GAS7: variants seen among roughly 807,000 people sequenced by gnomAD.
The protein encoded by GAS7 is growth arrest-specific protein 7.
In GAS7, 28 loss-of-function variants were observed where a neutral mutation model predicts 71.1. That is an observed-to-expected ratio of 0.39 (90% CI 0.29 to 0.54). The LOEUF is 0.54. Ranked by LOEUF, GAS7 falls within the 20% of genes least tolerant of loss-of-function variation. The pLI, the probability that GAS7 is intolerant of heterozygous loss-of-function variation, is 0.62. For missense variants in GAS7, 436 were observed against 627.8 expected (o/e 0.69, Z 3.27); for synonymous variants, 258 against 245.8 (o/e 1.05, Z -0.46).
Position 9,969,008 on chromosome 17 carries a change from A to T in GAS7, c.471+669T>A, listed in dbSNP as rs931695792. On this transcript the variant is annotated intron_variant, in intron 4 of 13. Transcript: ENST00000432992. This position sits in a 1 kb window ranked among gnomAD's most constrained non-coding sequence, Gnocchi z 5.5. Reference sequence around the variant, plus strand: ...TCCTCAGTTTTTTAGGCACAGCTTCACGCAACTAGAAAAGCCGTAAGCACT... The same window carrying T: ...TCCTCAGTTTTTTAGGCACAGCTTCTCGCAACTAGAAAAGCCGTAAGCACT... Among the ~76,000 whole-genome samples the T allele has an allele frequency of 6.6e-6, 1 of 152,224 alleles. No individual in the cohort carries two copies. The highest frequency in any genetic ancestry group is 2.1e-4 in the South Asian group (1 of 4,832).
intron 3 of GAS7, among the ~76,000 whole-genome samples, chr17:9,978,211 C>T (rs752811087): frequency 6.6e-6 from 1 of 151,882 alleles, no homozygotes; most frequent in African/African-American, 2.4e-5. Context: ...AAGACCCCAC[C>T]TCAAACAAAC....
At chr17:10,094,932 C>A (rs1381089372) in intron 1 of GAS7, among the ~76,000 whole-genome samples, 3 of 152,214 alleles carry the variant, frequency 2.0e-5, no homozygotes, top group African/African-American at 7.2e-5. Context: ...ACTCTCCCTT[C>A]ATTTCCATTT....
At chr17:10,118,082 G>C (rs1336515690) in intron 1 of GAS7, among the ~76,000 whole-genome samples, 1 of 152,106 alleles carries the variant, frequency 6.6e-6, no homozygotes, top group Non-Finnish European at 1.5e-5. Context: ...TTCCCCGAGG[G>C]TAACAGGCAG....
At chr17:10,097,363 A>G (rs2073651456) in intron 1 of GAS7, among the ~76,000 whole-genome samples, 1 of 152,216 alleles carries the variant, frequency 6.6e-6, no homozygotes. Flanking sequence ...AGCAGAAGAG[A>G]GACTCCCCGG....
At chr17:9,921,837 T>C (rs2067823260) in intron 11 of GAS7, among the ~76,000 whole-genome samples, 2 of 151,578 alleles carry the variant, frequency 1.3e-5, no homozygotes, top group African/African-American at 4.9e-5. Context: ...CAGGCGCCTG[T>C]AGTCCCAGCT....
chr17:10,182,930 C>T (rs1452907035), intron 1 of GAS7, among the ~76,000 whole-genome samples: 3 of 152,162 alleles, frequency 2.0e-5, no homozygotes, highest in Admixed American at 2.0e-4. Flanking sequence ...TAGCCTTTTC[C>T]TCATTACAAA....
rs2072200168 is a variant in GAS7, at chr17:10,019,976, G to T, written c.184-79C>A. 5.9e-6 allele frequency: 8 copies of T among 1,362,234 alleles called. No individual in the cohort carries two copies. In the East Asian group the frequency reaches 1.6e-4, roughly 27 times the overall value. The allele number at this position is 1,362,234 out of a possible 1,614,324, so 84.4% of individuals were successfully genotyped here. A position where few individuals can be genotyped will look rare whatever the true frequency, so the allele number is the denominator to read the frequency against. The stretch of plus-strand genomic sequence containing the variant: ...TTAAACCAGGAAGGCAAAGGCTGAT[G>T]AATTCACCCTACAGTAGCGTGACAT... On this transcript the variant is annotated intron_variant, in intron 1 of 13. Coordinates refer to ENST00000432992, the MANE Select transcript of GAS7 (RefSeq NM_201433.2).
intron 5 of GAS7, among the ~76,000 whole-genome samples, chr17:9,954,480 G>A (rs1415440026): frequency 1.3e-5 from 2 of 148,716 alleles, no homozygotes. Context: ...GATGGGGGGT[G>A]GGGGGTGGGG....
chr17:10,070,395 G>C (rs1046216156), intron 1 of GAS7, among the ~76,000 whole-genome samples: 1 of 131,382 alleles, frequency 7.6e-6, no homozygotes. Context: ...ATGGAGTCTC[G>C]CTCTGTCACC....
chr17:10,113,417 G>C (rs2073832425), intron 1 of GAS7, among the ~76,000 whole-genome samples: 2 of 152,226 alleles, frequency 1.3e-5, no homozygotes, highest in South Asian at 4.1e-4. Flanking sequence ...AAAGGTAACA[G>C]AGAAAGATTA....
chr17:10,113,694 A>G (rs2073834934), intron 1 of GAS7, among the ~76,000 whole-genome samples: 1 of 152,186 alleles, frequency 6.6e-6, no homozygotes, highest in Non-Finnish European at 1.5e-5. Context: ...CATATTTGGA[A>G]ATTCCTGGAC....
rs867973820 is a variant in GAS7 at position 9,919,269 on chromosome 17, C to T, written c.1218+357G>A. 2.0e-4 allele frequency among the ~76,000 whole-genome samples: 30 copies of T among 152,046 alleles called. 1 individual carries two copies. The highest frequency in any genetic ancestry group is 5.1e-4 in the African/African-American group (21 of 41,402). Reference sequence around the variant, plus strand: ...CAAGGACCTGCAACTCGTGTGTGTGCATGTGTGGGGCGGTCCTCTCTTCCT... The same window carrying T: ...CAAGGACCTGCAACTCGTGTGTGTGTATGTGTGGGGCGGTCCTCTCTTCCT... On this transcript the variant is annotated intron_variant, in intron 12 of 13. Coordinates refer to ENST00000432992, the MANE Select transcript of GAS7 (RefSeq NM_201433.2). The surrounding 1 kb of genome is among the most constrained non-coding windows in gnomAD (Gnocchi z 5.0).
chr17:10,017,205 T>A (rs1382534726), intron 2 of GAS7, among the ~76,000 whole-genome samples: 1 of 151,608 alleles, frequency 6.6e-6, no homozygotes, highest in East Asian at 1.9e-4. Context: ...ATAGGACAAG[T>A]CCTTGTGGAG....
intron 5 of GAS7, among the ~76,000 whole-genome samples, chr17:9,947,298 C>T (rs1264079014): frequency 6.6e-6 from 1 of 152,182 alleles, no homozygotes; most frequent in Non-Finnish European, 1.5e-5. Context: ...GGGGCAGTGA[C>T]ATCCACACAC....
rs544347046 is a variant in GAS7, at chr17:9,983,327, C to G, written c.305-1443G>C. 8.8e-4 allele frequency among the ~76,000 whole-genome samples: 134 copies of G among 152,132 alleles called. 1 individual carries two copies. The South Asian group carries it at 0.027, about 30-fold the overall frequency. On this transcript the variant is annotated intron_variant, in intron 2 of 13. Coordinates refer to ENST00000432992, the MANE Select transcript of GAS7 (RefSeq NM_201433.2). ...GCAAGATGGTGAAACCCCATCTCCA[C>G]CAAAAATACAAAAATTAGCCAGGTG...
At chr17:10,035,918 A>C (rs924946986) in intron 1 of GAS7, among the ~76,000 whole-genome samples, 1 of 152,140 alleles carries the variant, frequency 6.6e-6, no homozygotes, top group African/African-American at 2.4e-5. Flanking sequence ...TTACCTTCAT[A>C]AAGTTTTATA....
chr17:10,042,291 T>TC (rs1210924756), intron 1 of GAS7, among the ~76,000 whole-genome samples: 2 of 70,854 alleles, frequency 2.8e-5, no homozygotes, highest in Non-Finnish European at 4.9e-5. Flanking sequence ...CGAGACTCCG[T>TC]CAAAAAAAAA....
At chr17:10,167,756 C>T (rs968673074) in intron 1 of GAS7, among the ~76,000 whole-genome samples, 4 of 151,952 alleles carry the variant, frequency 2.6e-5, no homozygotes, top group Non-Finnish European at 4.4e-5. Flanking sequence ...TGGAGTGCAG[C>T]GGCACAATCA....
chr17:10,005,050 T>TATATATACACACACAC (rs1296844463), intron 2 of GAS7, among the ~76,000 whole-genome samples: 1 of 150,080 alleles, frequency 6.7e-6, no homozygotes, highest in East Asian at 2.0e-4. Context: ...TACATATATA[T>TATATATACACACACAC]ACACATATAT....
Sources: gnomAD v4.1 joint callset for allele counts (sites outside exome capture counted in the v4.1 genomes callset) on GRCh38, gnomAD v4.1.1 for gene constraint, Gnocchi (gnomAD v3.1) non-coding constraint, MANE v1.5 for transcripts, NCBI Gene and HGNC (gene_info 2026-07-23, HGNC 2026-07-21) for gene names.